Variants in MGAM2 observed in about 807,000 individuals in gnomAD.
MGAM2 encodes probable maltase-glucoamylase 2.
Under a neutral mutation model 96.1 loss-of-function variants are expected in MGAM2, and 98 were observed. The observed-to-expected ratio is 1.02, with a 90% CI of 0.87 to 1.21. The LOEUF is 1.21. Ranked by LOEUF, MGAM2 falls within the 50% of genes most tolerant of loss-of-function variation. The pLI is 0.00. For synonymous variants in MGAM2, 749 were observed against 414.8 expected (o/e 1.81, Z -9.79); for missense variants, 2,055 against 1,182.4 (o/e 1.74, Z -10.82).
intron 23 of MGAM2, among the ~76,000 whole-genome samples, chr7:142,164,211 GC>G (rs1392658223): frequency 6.6e-6 from 1 of 152,090 alleles, no homozygotes; most frequent in Non-Finnish European, 1.5e-5. Context: ...TTATCAAACT[GC>G]TACTTTTTTC....
chr7:142,131,447 C>G, intron 4 of MGAM2, 71 bp from the exon 5 acceptor site: 2 of 675,872 alleles, frequency 3.0e-6, no homozygotes, highest in East Asian at 5.4e-5. Flanking sequence ...AAAACAAAAA[C>G]AAAAACAAAA....
At position 142,220,047 on chromosome 7, in the gene MGAM2, G is replaced by T. The variant is rs1336508917; in HGVS notation, c.5536G>T (p.Ala1846Ser). 2.8e-6 allele frequency: 2 copies of T among 702,752 alleles called. No individual in the cohort carries two copies. The highest frequency in any genetic ancestry group is 5.2e-6 in the Non-Finnish European group (2 of 384,950). 43.5% of individuals were successfully genotyped at this position (702,752 alleles called of 1,614,324 possible). A position where few individuals can be genotyped will look rare whatever the true frequency, so the allele number is the denominator to read the frequency against. Reference sequence around the variant, plus strand: ...CAGTTCTGAGACAATCACCAGTTCTGCCAGTGCAAATACTACCACTGGCAC... The same window carrying T: ...CAGTTCTGAGACAATCACCAGTTCTTCCAGTGCAAATACTACCACTGGCAC... ...ATSSETITSS[A>S]SANTTTGTTD... The change falls in exon 48 of 48, where the codon GCC (alanine) becomes TCC (serine). Residue 1846 changes from alanine (A) to serine (S), a missense_variant. Ala to Ser is a moderately conservative substitution (Grantham distance 99). Transcript: ENST00000477922.
chr7:142,117,366 G>C (rs1053432193), intron 2 of MGAM2, among the ~76,000 whole-genome samples: 1 of 152,138 alleles, frequency 6.6e-6, no homozygotes, highest in Admixed American at 6.5e-5. Context: ...GTGGTGGGAT[G>C]ATTAAGTTGG....
chr7:142,173,436 C>T, intron 31 of MGAM2, 82 bp downstream of exon 31: 1 of 653,388 alleles, frequency 1.5e-6, no homozygotes, highest in Non-Finnish European at 2.8e-6. Flanking sequence ...CTATGATGTT[C>T]TTATCAAAGA....
chr7:142,195,343 CTCT>C (rs1290366953), intron 37 of MGAM2, among the ~76,000 whole-genome samples: 10 of 96,462 alleles, frequency 1.0e-4, no homozygotes, highest in Non-Finnish European at 2.2e-4. Flanking sequence ...CTCCTTTTTA[CTCT>C]TTTTTTTTTT....
intron 47 of MGAM2, 110 bp from the exon 48 acceptor site, chr7:142,219,760 G>A: frequency 1.6e-6 from 1 of 607,608 alleles, no homozygotes; most frequent in South Asian, 2.0e-5. Context: ...TCCTATTACT[G>A]GAAAGGAATG....
At chr7:142,165,900 T>G (rs1432688245) in intron 24 of MGAM2, among the ~76,000 whole-genome samples, 198 bp from the exon 25 acceptor site, 2 of 152,180 alleles carry the variant, frequency 1.3e-5, no homozygotes, top group Admixed American at 6.5e-5. Context: ...ATGAAAACTC[T>G]TCCCATCCAA....
chr7:142,130,874 G>C (rs552477270), intron 3 of MGAM2, 74 bp from the exon 4 acceptor site: 2 of 655,480 alleles, frequency 3.1e-6, no homozygotes, highest in African/African-American at 1.8e-5. Context: ...AATAAAATGG[G>C]TTATAAATAA....
chr7:142,203,233 T>C (rs775745632), intron 45 of MGAM2, among the ~76,000 whole-genome samples: 1 of 152,326 alleles, frequency 6.6e-6, no homozygotes, highest in African/African-American at 2.4e-5. Flanking sequence ...GTAGGTTGTC[T>C]ACTCTGTTGA....
intron 10 of MGAM2, among the ~76,000 whole-genome samples, chr7:142,140,309 G>A (rs1399823385): frequency 6.6e-6 from 1 of 152,196 alleles, no homozygotes; most frequent in Non-Finnish European, 1.5e-5. Flanking sequence ...ATGTGTGCAT[G>A]AGAGTTTAGT....
At chr7:142,203,845 C>T (rs537123672) in intron 45 of MGAM2, among the ~76,000 whole-genome samples, 24 of 152,098 alleles carry the variant, frequency 1.6e-4, no homozygotes, top group African/African-American at 4.6e-4. Context: ...AAAATTAACT[C>T]GAGATGGATT....
chr7:142,139,371 T>G (rs1254600732), intron 10 of MGAM2, among the ~76,000 whole-genome samples: 1 of 152,026 alleles, frequency 6.6e-6, no homozygotes, highest in Non-Finnish European at 1.5e-5. Flanking sequence ...TGTAAGAATA[T>G]AGTGTTGGCC....
At chr7:142,132,692 TA>T (rs1205061407) in intron 6 of MGAM2, among the ~76,000 whole-genome samples, 2 of 126,246 alleles carry the variant, frequency 1.6e-5, no homozygotes, top group African/African-American at 3.2e-5. Context: ...ATATAATTAA[TA>T]ATATTAATTA....
intron 34 of MGAM2, among the ~76,000 whole-genome samples, chr7:142,185,465 C>G (rs1796665652): frequency 6.6e-6 from 1 of 152,104 alleles, no homozygotes; most frequent in Non-Finnish European, 1.5e-5. Context: ...CCATTATGAA[C>G]AGACTGGATT....
chr7:142,158,610 G>A lies in MGAM2; in HGVS notation c.2163+278G>A, dbSNP rs140005051. ...ATTGACAATGGCTTTAAATACTTTG[G>A]GGTGTATGTGCTGAACATCTGTCTA... On this transcript the variant is annotated intron_variant, in intron 19 of 47. Coordinates refer to ENST00000477922, the MANE Select transcript of MGAM2 (RefSeq NM_001293626.2). 1.2e-3 allele frequency among the ~76,000 whole-genome samples: 179 copies of A among 152,246 alleles called. 1 individual carries two copies. The highest frequency in any genetic ancestry group is 4.2e-3 in the African/African-American group (175 of 41,526).
intron 46 of MGAM2, among the ~76,000 whole-genome samples, chr7:142,214,501 C>T (rs1252167649): frequency 8.6e-5 from 13 of 152,026 alleles, no homozygotes; most frequent in South Asian, 2.1e-4. Flanking sequence ...ACAAGCATTT[C>T]GATACACCAA....
intron 45 of MGAM2, chr7:142,208,267 T>C (rs1297717834): frequency 1.9e-6 from 1 of 518,238 alleles, no homozygotes; most frequent in Non-Finnish European, 3.7e-6. Context: ...ATGCTTGCTG[T>C]CTCGCACAGA....
Position 142,136,612 on chromosome 7 carries a change from A to G in MGAM2, c.819A>G (p.Gly273=), listed in dbSNP as rs1176081389. Residue 273 remains glycine (G), a synonymous_variant, in exon 8 of 48, where the codon GGA becomes GGG. Coordinates refer to ENST00000477922, the MANE Select transcript of MGAM2 (RefSeq NM_001293626.2). Reference sequence around the variant, plus strand: ...AAGATGCCAGGGGCTCCTCTTTTGGAGTATTTCTGATGAACAGTAATGCCA... The same window carrying G: ...AAGATGCCAGGGGCTCCTCTTTTGGGGTATTTCTGATGAACAGTAATGCCA... ...CLEDARGSSF[G]VFLMNSNAME... 2 of 702,498 alleles carry G rather than the reference A, an allele frequency of 2.8e-6. No homozygotes were observed. Among genetic ancestry groups the G allele is most frequent in the Admixed American group, 4.0e-5 (2 of 49,844 alleles). The allele number at this position is 702,498 out of a possible 1,614,324, so 43.5% of individuals were successfully genotyped here.
At chr7:142,116,074 T>C (rs566052381) in intron 1 of MGAM2, among the ~76,000 whole-genome samples, 305 of 152,258 alleles carry the variant, frequency 2.0e-3, no homozygotes, top group South Asian at 3.7e-3. Flanking sequence ...AGATTTACTA[T>C]AATTAGAGCA....
Sources: gnomAD v4.1 joint callset for allele counts (sites outside exome capture counted in the v4.1 genomes callset) on GRCh38, gnomAD v4.1.1 for gene constraint, MANE v1.5 for transcripts, NCBI Gene and HGNC (gene_info 2026-07-23, HGNC 2026-07-21) for gene names.